PPARGC1B: variants seen among roughly 807,000 people sequenced by gnomAD.
The protein encoded by PPARGC1B is PPARG coactivator 1 beta.
PPARGC1B carries 34 observed loss-of-function variants against 101.6 expected under a neutral mutation model. The observed-to-expected ratio is 0.33, with a 90% CI of 0.25 to 0.45. The LOEUF (loss-of-function observed/expected upper bound fraction) is 0.45. Ranked by LOEUF, PPARGC1B falls within the 20% of genes least tolerant of loss-of-function variation. The probability of loss-of-function intolerance (pLI) is 1.00; values close to 1 mark genes in which losing one functional copy is unlikely to be tolerated. For synonymous variants in PPARGC1B, 548 were observed against 539.3 expected, an observed-to-expected ratio of 1.02 and a Z score of -0.22; for missense variants, 1,234 against 1,317.6, an observed-to-expected ratio of 0.94 and a Z score of 0.98.
chr5:149,790,756 C>CTGGG (rs1756988336), intron 1 of PPARGC1B, among the ~76,000 whole-genome samples: 1 of 152,094 alleles, frequency 6.6e-6, no homozygotes, highest in African/African-American at 2.4e-5. Context: ...TGAGATGGGA[C>CTGGG]CGGGCAATCC....
intron 1 of PPARGC1B, among the ~76,000 whole-genome samples, chr5:149,766,525 TC>T (rs1755918035): frequency 6.6e-6 from 1 of 152,320 alleles, no homozygotes; most frequent in African/African-American, 2.4e-5. Context: ...CACAGAGCTT[TC>T]ATGTGGCAGA....
At chr5:149,844,516 GT>G (rs1348867086) in intron 10 of PPARGC1B, among the ~76,000 whole-genome samples, 1 of 152,218 alleles carries the variant, frequency 6.6e-6, no homozygotes, top group Non-Finnish European at 1.5e-5. Flanking sequence ...GCACATGCCT[GT>G]AATCTCAGCT....
At position 149,836,781 on chromosome 5, in the gene PPARGC1B, G is replaced by A. The variant is rs138045608; in HGVS notation, c.2326G>A (p.Glu776Lys). 1.5e-5 allele frequency: 25 copies of A among 1,613,542 alleles called. No individual in the cohort carries two copies. The highest frequency in any genetic ancestry group is 2.7e-5 in the African/African-American group (2 of 74,942). The change falls in exon 8 of 12, where the codon GAG becomes AAG. Residue 776 changes from glutamate (E) to lysine (K), a missense_variant. Transcript: ENST00000309241. ...CTTTGGGCTGCTGGAGACCGCCCTG[G>A]AGGAGGAAGACCTGGCCTCCTGCAA... ...KHFGLLETAL[E>K]EEDLASCKSP...
chr5:149,761,320 A>G (rs1561857458), intron 1 of PPARGC1B: 2 of 152,090 alleles, frequency 1.3e-5, no homozygotes, highest in Admixed American at 6.5e-5. Context: ...CAAGTATACA[A>G]TATAGTGTTT....
intron 3 of PPARGC1B, among the ~76,000 whole-genome samples, chr5:149,829,838 C>T (rs1024338489): frequency 6.6e-6 from 1 of 151,718 alleles, no homozygotes; most frequent in African/African-American, 2.4e-5. Context: ...GAGTTTGAGA[C>T]CAGCCTGGCC....
At chr5:149,764,757 A>T (rs1421088126) in intron 1 of PPARGC1B, among the ~76,000 whole-genome samples, 1 of 152,262 alleles carries the variant, frequency 6.6e-6, no homozygotes, top group African/African-American at 2.4e-5. Context: ...AGAGGAAAAA[A>T]TAAGTAGATT....
At chr5:149,763,554 G>T (rs1213792763) in intron 1 of PPARGC1B, among the ~76,000 whole-genome samples, 1 of 125,628 alleles carries the variant, frequency 8.0e-6, no homozygotes, top group Admixed American at 9.0e-5. Context: ...TTTTTTTGCA[G>T]AGGTCTCACT....
At chr5:149,757,528 G>A (rs1755575848) in intron 1 of PPARGC1B, among the ~76,000 whole-genome samples, 2 of 152,186 alleles carry the variant, frequency 1.3e-5, no homozygotes, top group African/African-American at 2.4e-5. Context: ...TGGCAGAACC[G>A]AGGCCTTCCT....
chr5:149,792,870 A>T (rs1757072601), intron 1 of PPARGC1B, among the ~76,000 whole-genome samples: 1 of 152,036 alleles, frequency 6.6e-6, no homozygotes. Context: ...CTTCATTTTG[A>T]CATTCTTCCT....
At chr5:149,769,639 T>C (rs1756049505) in intron 1 of PPARGC1B, among the ~76,000 whole-genome samples, 1 of 152,188 alleles carries the variant, frequency 6.6e-6, no homozygotes, top group Admixed American at 6.5e-5. Flanking sequence ...ACCACACATG[T>C]AGTGCCTTAA....
Position 149,833,457 on chromosome 5 carries a change from T to C in PPARGC1B, c.1384T>C (p.Trp462Arg), listed in dbSNP as rs1229326648. The C allele has an allele frequency of 5.7e-6, 9 of 1,571,654 alleles. No individual in the cohort carries two copies. In the South Asian group the frequency reaches 9.2e-5, roughly 16 times the overall value. ...GAAAAGGCCAGGCCGAGGCCTGCCA[T>C]GGACGAAGCTGGGGAGGAAGCTGGA... ...GRKRPGRGLP[W>R]TKLGRKLESS... is the part of the protein sequence containing the mutation. The change falls in exon 5 of 12, where the codon TGG becomes CGG. Residue 462 changes from tryptophan to arginine, a missense_variant. Trp to Arg is a moderately radical substitution (Grantham distance 101). Coordinates refer to ENST00000309241, the MANE Select transcript of PPARGC1B (RefSeq NM_133263.4). The surrounding 1 kb of genome is among the most constrained non-coding windows in gnomAD (Gnocchi z 4.1).
intron 1 of PPARGC1B, among the ~76,000 whole-genome samples, chr5:149,785,865 G>C (rs1173819822): frequency 6.6e-6 from 1 of 151,958 alleles, no homozygotes; most frequent in Non-Finnish European, 1.5e-5. Flanking sequence ...CCAGGACAAG[G>C]CTTGGCTCAG....
chr5:149,847,822 G>C lies in PPARGC1B; in HGVS notation c.*264G>C, dbSNP rs1759628282. The C allele has an allele frequency of 1.9e-5, 9 of 476,776 alleles. No individual in the cohort carries two copies. In the East Asian group the frequency reaches 3.1e-4, roughly 17 times the overall value. 29.5% of individuals were successfully genotyped at this position (476,776 alleles called of 1,614,324 possible). ...TCGCTTCCAACGGGTTGTCCCGGGT[G>C]CACCTCGAAGTGCCGGGTCCGTCAC... On this transcript the variant is annotated 3_prime_UTR_variant, in exon 12 of 12. Transcript: ENST00000309241.
Position 149,836,828 on chromosome 5 carries a change from C to T in PPARGC1B, c.2373C>T (p.Val791=), listed in dbSNP as rs965848169. Residue 791 remains valine (V), a synonymous_variant, in exon 8 of 12, where the codon GTC becomes GTT. Transcript: ENST00000309241. The stretch of plus-strand genomic sequence containing the variant: ...GCAAGAGCCCTGAGTATGACACTGT[C>T]TTTGAAGACAGCAGCAGCAGCAGCG... ...ASCKSPEYDT[V]FEDSSSSSGE... is the part of the protein sequence containing the mutation. 1 of 1,613,476 alleles carries T rather than the reference C, an allele frequency of 6.2e-7. No homozygotes were observed. Among genetic ancestry groups the T allele is most frequent in the Non-Finnish European group, 8.5e-7 (1 of 1,180,026 alleles).
intron 1 of PPARGC1B, among the ~76,000 whole-genome samples, chr5:149,796,671 TA>T (rs1757227939): frequency 6.6e-6 from 1 of 151,892 alleles, no homozygotes; most frequent in African/African-American, 2.4e-5. Context: ...ATGAGAATGG[TA>T]TTTTGGAGAG....
chr5:149,845,557 G>C, intron 10 of PPARGC1B: 2 of 571,142 alleles, frequency 3.5e-6, no homozygotes, highest in East Asian at 5.7e-5. Flanking sequence ...GCCAACACCT[G>C]GCAGACATTC....
At chr5:149,823,255 G>A (rs755176497) in intron 2 of PPARGC1B, among the ~76,000 whole-genome samples, 1 of 152,154 alleles carries the variant, frequency 6.6e-6, no homozygotes, top group East Asian at 1.9e-4. Flanking sequence ...AAGGGGCGTG[G>A]ACAAATCAAT....
Position 149,836,306 on chromosome 5 carries a change from G to A in PPARGC1B, c.1851G>A (p.Glu617=). 6.2e-7 allele frequency: 1 copy of A among 1,610,296 alleles called. No homozygotes were observed. Residue 617 remains glutamate, a synonymous_variant, in exon 8 of 12, where the codon GAG becomes GAA. Coordinates refer to ENST00000309241, the MANE Select transcript of PPARGC1B (RefSeq NM_133263.4). ...CACCACCGTACAAGCCCACAGAGGA[G>A]GATCCCTTCAAACCAGACATCAAGC... ...PTTPPYKPTE[E]DPFKPDIKHS...
At chr5:149,830,349 A>G (rs1328226919) in intron 3 of PPARGC1B, among the ~76,000 whole-genome samples, 1 of 152,110 alleles carries the variant, frequency 6.6e-6, no homozygotes, top group Non-Finnish European at 1.5e-5. Flanking sequence ...GAAATCAGCT[A>G]GAATCCCATA....
Sources: allele counts gnomAD v4.1 joint callset (sites outside exome capture counted in the v4.1 genomes callset), GRCh38; gene constraint gnomAD v4.1.1; non-coding constraint Gnocchi (gnomAD v3.1); transcripts MANE v1.5; gene names NCBI Gene and HGNC (gene_info 2026-07-23, HGNC 2026-07-21).